Variants in HHIPL2 observed in about 807,000 individuals in gnomAD.
HHIPL2 encodes the protein HHIP like 2.
In HHIPL2, 61 loss-of-function variants were observed where a neutral mutation model predicts 61.0. The ratio of observed to expected loss-of-function variants is 1.00; its 90% CI spans 0.81 to 1.24. The LOEUF (loss-of-function observed/expected upper bound fraction) is 1.24, where lower values mean the gene tolerates loss of function less well. Among genes scored for constraint, HHIPL2 ranks in the 50% most tolerant of loss-of-function variants. The probability of loss-of-function intolerance (pLI) is 0.00; values close to 1 mark genes in which losing one functional copy is unlikely to be tolerated. For synonymous variants in HHIPL2, 343 were observed against 357.4 expected (o/e 0.96, Z 0.45); for missense variants, 885 against 910.2 (o/e 0.97, Z 0.36).
At chr1:222,536,261 A>G (rs1035695169) in intron 5 of HHIPL2, among the ~76,000 whole-genome samples, 1 of 152,132 alleles carries the variant, frequency 6.6e-6, no homozygotes, top group Non-Finnish European at 1.5e-5. Flanking sequence ...GACTGATTTA[A>G]AAAAAAGAGA....
rs1659394579 is a variant in HHIPL2 at position 222,540,014 on chromosome 1, AG to A, written c.1445del (p.Ser482PhefsTer43). Reference protein sequence around the residue: ...CYDKKLCHNASLDDVLPIYAY... With the variant: ...CYDKKLCHNAXLDDVLPIYAY... ...CCCAGAGAGCTTCTTACTTACCCAA[AG>A]AGGCATTGTGACAAAGTTTTTTGTC... is the stretch of plus-strand genomic sequence containing the variant. On this transcript the variant is annotated frameshift_variant, in exon 4 of 9. Transcript: ENST00000343410. LOFTEE classifies it high-confidence loss of function. 6.2e-7 allele frequency: 1 copy of A among 1,613,086 alleles called. No homozygotes were observed. The highest frequency in any genetic ancestry group is 1.1e-5 in the South Asian group (1 of 91,026).
intron 5 of HHIPL2, among the ~76,000 whole-genome samples, 153 bp downstream of exon 5, chr1:222,538,495 C>T (rs1659354649): frequency 6.6e-6 from 1 of 151,876 alleles, no homozygotes; most frequent in African/African-American, 2.4e-5. Context: ...AGTGTTCTGC[C>T]TCTTGATATG....
intron 7 of HHIPL2, among the ~76,000 whole-genome samples, chr1:222,526,273 G>T (rs978575507): frequency 6.6e-6 from 1 of 152,174 alleles, no homozygotes; most frequent in Non-Finnish European, 1.5e-5. Context: ...TGAGGAACCT[G>T]CCAGTTAAAC....
chr1:222,539,714 ACTTATTTAAAAT>A (rs1219441754), intron 4 of HHIPL2, among the ~76,000 whole-genome samples: 2 of 152,154 alleles, frequency 1.3e-5, no homozygotes, highest in African/African-American at 2.4e-5. Flanking sequence ...AATGTGGGTA[ACTTATTTAAAAT>A]ACAGATTCCT....
At position 222,543,029 on chromosome 1, in the gene HHIPL2, A is replaced by C. The variant is rs146044196; in HGVS notation, c.974+508T>G. The stretch of plus-strand genomic sequence containing the variant: ...CCACGGGAAAAGAAACAAGAGAGAA[A>C]GGAGAAGAAGGAAAAACAAAGGCAG... On this transcript the variant is annotated intron_variant, in intron 2 of 8. Coordinates refer to ENST00000343410, the MANE Select transcript of HHIPL2 (RefSeq NM_024746.4). 6.4e-4 allele frequency among the ~76,000 whole-genome samples: 98 copies of C among 152,322 alleles called. 1 individual carries two copies. The East Asian group carries it at 0.017, about 27-fold the overall frequency.
intron 3 of HHIPL2, 118 bp downstream of exon 3, chr1:222,541,894 C>A: frequency 9.6e-7 from 1 of 1,038,266 alleles, no homozygotes; most frequent in Non-Finnish European, 1.4e-6. Context: ...CTCCCATTGC[C>A]TCAGTGGAGT....
chr1:222,528,395 T>C (rs908294382), intron 6 of HHIPL2, among the ~76,000 whole-genome samples: 2 of 152,100 alleles, frequency 1.3e-5, no homozygotes, highest in Admixed American at 1.3e-4. Context: ...TCACCTGAGG[T>C]AAGGAGTTCA....
At chr1:222,526,024 T>TA (rs935386013) in intron 7 of HHIPL2, among the ~76,000 whole-genome samples, 16 of 150,102 alleles carry the variant, frequency 1.1e-4, no homozygotes, top group South Asian at 2.1e-4. Flanking sequence ...AAAATAAAAA[T>TA]AAAAAAAAAT....
Position 222,544,171 on chromosome 1 carries a change from C to T in HHIPL2, c.340G>A (p.Ala114Thr), listed in dbSNP as rs1659507277. ...GTGTTTTCGGCGTCGTAGAGGTGGG[C>T]TGCGTAGGGCGAGCACTCCTAAAAA... Reference protein sequence around the residue: ...ILCQECSPYAAHLYDAENTQT... With the variant: ...ILCQECSPYATHLYDAENTQT... The change falls in exon 2 of 9, where the codon GCC becomes ACC. Residue 114 changes from alanine to threonine, a missense_variant. Coordinates refer to ENST00000343410, the MANE Select transcript of HHIPL2 (RefSeq NM_024746.4). 3.7e-6 allele frequency: 6 copies of T among 1,612,526 alleles called. No individual in the cohort carries two copies. Among genetic ancestry groups the T allele is most frequent in the Non-Finnish European group, 5.1e-6 (6 of 1,179,866 alleles).
At chr1:222,539,952 C>T (rs1659393003) in intron 4 of HHIPL2, 58 bp downstream of exon 4, 4 of 1,428,706 alleles carry the variant, frequency 2.8e-6, no homozygotes, top group African/African-American at 2.8e-5. Context: ...TATTCCCTAC[C>T]TCCACCTCCA....
At position 222,540,196 on chromosome 1, in the gene HHIPL2, ACATGT is replaced by A. The variant is rs1659401311; in HGVS notation, c.1259_1263del (p.Asn420MetfsTer30). 1.2e-6 allele frequency: 2 copies of A among 1,614,252 alleles called. No individual in the cohort carries two copies. Among genetic ancestry groups the A allele is most frequent in the East Asian group, 4.5e-5 (2 of 44,886 alleles). On this transcript the variant is annotated frameshift_variant, in exon 4 of 9. Coordinates refer to ENST00000343410, the MANE Select transcript of HHIPL2 (RefSeq NM_024746.4). LOFTEE classifies it high-confidence loss of function. Reference sequence around the variant, plus strand: ...TCCCCTCGGTCCACAGCACAACGCCACATGTTCCTGATCCCATAGGCATAGATGGC... The same window carrying A: ...TCCCCTCGGTCCACAGCACAACGCCATCCTGATCCCATAGGCATAGATGGC...
chr1:222,531,922 G>A (rs150953952), intron 6 of HHIPL2, 44 bp downstream of exon 6: 58 of 1,543,754 alleles, frequency 3.8e-5, no homozygotes, highest in East Asian at 2.3e-4. Context: ...GTGATTATCC[G>A]AGTTCTAGTA....
Position 222,548,064 on chromosome 1 carries a change from G to A in HHIPL2, c.-20C>T, listed in dbSNP as rs748527464. 22 of 1,523,540 alleles carry A rather than the reference G, an allele frequency of 1.4e-5. No individual in the cohort carries two copies. The highest frequency in any genetic ancestry group is 1.1e-4 in the African/African-American group (8 of 72,600). 94.4% of individuals were successfully genotyped at this position (1,523,540 alleles called of 1,614,324 possible). On this transcript the variant is annotated 5_prime_UTR_variant, in exon 1 of 9. Transcript: ENST00000343410. The stretch of plus-strand genomic sequence containing the variant: ...CAGCATTTTGGCCTTGGGAACACTC[G>A]GGCTGCTGTGTTTGCTCAGGTTGGC...
At chr1:222,540,407 C>T in intron 3 of HHIPL2, 66 bp from the exon 4 acceptor site, 2 of 1,343,366 alleles carry the variant, frequency 1.5e-6, no homozygotes, top group Non-Finnish European at 2.1e-6. Flanking sequence ...TGGAAGAGAT[C>T]GCCCAGAAGG....
At chr1:222,535,771 C>T (rs1425439562) in intron 5 of HHIPL2, among the ~76,000 whole-genome samples, 2 of 152,028 alleles carry the variant, frequency 1.3e-5, no homozygotes, top group Non-Finnish European at 2.9e-5. Context: ...CCAGAAAATC[C>T]AAGATAGTCC....
In HHIPL2 at chr1:222,541,712, G is replaced by A. The variant is rs115247551; in HGVS notation, c.1118+300C>T. On this transcript the variant is annotated intron_variant, in intron 3 of 8. Transcript: ENST00000343410. ...ACATGGTGTTCAATAATATTATTGA[G>A]TTGAATTGAATTAGATGATTAGTGT... Among the ~76,000 whole-genome samples the A allele has an allele frequency of 4.5e-3, 690 of 152,258 alleles. 6 individuals are homozygous for A. The highest frequency in any genetic ancestry group is 3.5e-3 in the Non-Finnish European group (239 of 68,032).
chr1:222,545,763 G>C (rs1253785944), intron 1 of HHIPL2, among the ~76,000 whole-genome samples: 9 of 152,088 alleles, frequency 5.9e-5, no homozygotes, highest in Admixed American at 5.9e-4. Flanking sequence ...AGGCGCAGTA[G>C]CTCACGCCTG....
intron 6 of HHIPL2, among the ~76,000 whole-genome samples, chr1:222,528,768 C>T (rs1659126149): frequency 6.6e-6 from 1 of 151,234 alleles, no homozygotes; most frequent in African/African-American, 2.4e-5. Context: ...TATTAAGTTG[C>T]AATTCTGAAA....
At chr1:222,539,752 C>G (rs892512225) in intron 4 of HHIPL2, among the ~76,000 whole-genome samples, 2 of 152,050 alleles carry the variant, frequency 1.3e-5, no homozygotes, top group Non-Finnish European at 2.9e-5. Flanking sequence ...AATCTCATGT[C>G]TCCAATCCAC....
Sources: gnomAD v4.1 joint callset for allele counts (sites outside exome capture counted in the v4.1 genomes callset) on GRCh38, gnomAD v4.1.1 for gene constraint, MANE v1.5 for transcripts, NCBI Gene and HGNC (gene_info 2026-07-23, HGNC 2026-07-21) for gene names.